Variants in ARHGAP10 observed in about 807,000 individuals in gnomAD.
ARHGAP10 encodes the protein rho GTPase-activating protein 10.
A neutral mutation model predicts 108.6 loss-of-function variants in ARHGAP10; 87 were observed. The ratio of observed to expected loss-of-function variants is 0.80; its 90% confidence interval spans 0.67 to 0.96. The LOEUF (loss-of-function observed/expected upper bound fraction) is 0.96. ARHGAP10 is among the 40% of genes least tolerant of loss of function. ARHGAP10 has a pLI of 0.00. For synonymous variants in ARHGAP10, 347 were observed against 341.1 expected, an observed-to-expected ratio of 1.02 and a Z score of -0.19; for missense variants, 939 against 954.5, an observed-to-expected ratio of 0.98 and a Z score of 0.21.
chr4:147,781,247 G>T (rs1354244083), intron 1 of ARHGAP10, among the ~76,000 whole-genome samples: 1 of 152,130 alleles, frequency 6.6e-6, no homozygotes. Context: ...AAGAGGCTGA[G>T]GCAGGAGAAT....
chr4:147,851,024 T>C (rs758692103), intron 4 of ARHGAP10, among the ~76,000 whole-genome samples: 1 of 152,092 alleles, frequency 6.6e-6, no homozygotes, highest in Admixed American at 6.5e-5. Context: ...AATGAAAATA[T>C]GGGTTTGGGC....
chr4:148,014,719 T>A (rs1184485516), intron 18 of ARHGAP10, among the ~76,000 whole-genome samples: 1 of 152,192 alleles, frequency 6.6e-6, no homozygotes, highest in Non-Finnish European at 1.5e-5. Flanking sequence ...TGATAAAGAT[T>A]GTCAATATGC....
At chr4:147,931,999 C>T (rs1296840858) in intron 13 of ARHGAP10, among the ~76,000 whole-genome samples, 1 of 151,882 alleles carries the variant, frequency 6.6e-6, no homozygotes, top group Non-Finnish European at 1.5e-5. Flanking sequence ...GAAAAGTGGG[C>T]AAAGGACATG....
intron 1 of ARHGAP10, among the ~76,000 whole-genome samples, chr4:147,737,716 A>T (rs899525012): frequency 6.6e-6 from 1 of 152,178 alleles, no homozygotes; most frequent in Non-Finnish European, 1.5e-5. Context: ...GCTGGTCTCC[A>T]GTGTGAATGT....
At chr4:147,807,839 G>T (rs1438524971) in intron 1 of ARHGAP10, among the ~76,000 whole-genome samples, 1 of 152,224 alleles carries the variant, frequency 6.6e-6, no homozygotes, top group Non-Finnish European at 1.5e-5. Context: ...CTCCTGCCTA[G>T]TGTCCTTTGA....
intron 13 of ARHGAP10, among the ~76,000 whole-genome samples, chr4:147,935,888 G>T (rs1207807848): frequency 1.3e-5 from 2 of 152,102 alleles, no homozygotes; most frequent in Admixed American, 1.3e-4. Flanking sequence ...ATTCCCCCTT[G>T]CACCTCTCAG....
chr4:148,020,077 T>C (rs893800623), intron 18 of ARHGAP10, among the ~76,000 whole-genome samples: 2 of 152,234 alleles, frequency 1.3e-5, no homozygotes, highest in Non-Finnish European at 2.9e-5. Context: ...TTCCTTTGAA[T>C]GTCATGTCAG....
At chr4:147,874,382 C>A (rs1462637074) in intron 7 of ARHGAP10, among the ~76,000 whole-genome samples, 1 of 152,174 alleles carries the variant, frequency 6.6e-6, no homozygotes, top group Non-Finnish European at 1.5e-5. Context: ...CAGATATTGG[C>A]ACACCAAGTG....
At chr4:147,937,807 C>G (rs1738014757) in intron 13 of ARHGAP10, among the ~76,000 whole-genome samples, 1 of 152,096 alleles carries the variant, frequency 6.6e-6, no homozygotes. Flanking sequence ...TGGTGAAACC[C>G]CATCTCTACT....
chr4:148,046,962 C>A lies in ARHGAP10; in HGVS notation c.1938C>A (p.Pro646=). The A allele has an allele frequency of 6.2e-7, 1 of 1,614,146 alleles. No homozygotes were observed. Among genetic ancestry groups the A allele is most frequent in the Non-Finnish European group, 8.5e-7 (1 of 1,180,014 alleles). The change falls in exon 20 of 23, where the codon CCC becomes CCA. Residue 646 remains proline (P), a synonymous_variant. Transcript: ENST00000336498. ...TGGACTCACTTTCCTCCCCGTCTCC[C>A]GTGACTACAGCTGTCCCTGGGCCTC... ...SSLDSLSSPS[P]VTTAVPGPPG...
chr4:147,943,158 T>C (rs1288970699), intron 14 of ARHGAP10, among the ~76,000 whole-genome samples: 1 of 152,218 alleles, frequency 6.6e-6, no homozygotes, highest in African/African-American at 2.4e-5. Flanking sequence ...CCTTCTTCCC[T>C]ACTTTAGTTT....
At chr4:148,021,330 A>T (rs1390916045) in intron 18 of ARHGAP10, among the ~76,000 whole-genome samples, 2 of 152,046 alleles carry the variant, frequency 1.3e-5, no homozygotes, top group East Asian at 3.9e-4. Context: ...AGTTTTCAGC[A>T]TTTGCGCTGT....
At chr4:147,960,052 G>C (rs1009780384) in intron 16 of ARHGAP10, among the ~76,000 whole-genome samples, 7 of 152,108 alleles carry the variant, frequency 4.6e-5, no homozygotes, top group Non-Finnish European at 7.4e-5. Context: ...CAGAGTCTCT[G>C]CTTTAAGTCT....
chr4:147,755,502 A>C (rs1197424275), intron 1 of ARHGAP10, among the ~76,000 whole-genome samples: 1 of 152,096 alleles, frequency 6.6e-6, no homozygotes, highest in African/African-American at 2.4e-5. Flanking sequence ...CAGCCTGGGC[A>C]ACAAGAGTGA....
intron 1 of ARHGAP10, among the ~76,000 whole-genome samples, chr4:147,761,029 T>A (rs1442288244): frequency 6.6e-6 from 1 of 151,980 alleles, no homozygotes; most frequent in South Asian, 2.1e-4. Context: ...TTTTTTTTTT[T>A]TTTTTGACAC....
intron 18 of ARHGAP10, among the ~76,000 whole-genome samples, chr4:147,996,907 A>G (rs1221452216): frequency 6.6e-6 from 1 of 152,204 alleles, no homozygotes. Context: ...GGGAGGCCTC[A>G]GGAGAAGCTA....
intron 3 of ARHGAP10, among the ~76,000 whole-genome samples, chr4:147,844,181 T>A (rs1733537731): frequency 6.6e-6 from 1 of 152,176 alleles, no homozygotes; most frequent in South Asian, 2.1e-4. Context: ...TTTTTATTTT[T>A]AAATTTATTT....
intron 14 of ARHGAP10, among the ~76,000 whole-genome samples, chr4:147,944,182 A>G (rs1219131498): frequency 6.6e-6 from 1 of 152,224 alleles, no homozygotes; most frequent in Non-Finnish European, 1.5e-5. Flanking sequence ...AGTCTTTAGA[A>G]CAGAATTATT....
In ARHGAP10 at chr4:148,072,115, C is replaced by T; in HGVS notation, c.*34C>T. 6.3e-7 allele frequency: 1 copy of T among 1,582,484 alleles called. No homozygotes were observed. The highest frequency in any genetic ancestry group is 8.6e-7 in the Non-Finnish European group (1 of 1,160,372). ...CTCAGAGCCCCTGCTGACCCTGGCA[C>T]CCAGGGACCTGCCTGGGGGCAGAGA... On this transcript the variant is annotated 3_prime_UTR_variant, in exon 23 of 23. Coordinates refer to ENST00000336498, the MANE Select transcript of ARHGAP10 (RefSeq NM_024605.4).
Sources: allele counts gnomAD v4.1 joint callset (sites outside exome capture counted in the v4.1 genomes callset), GRCh38; gene constraint gnomAD v4.1.1; transcripts MANE v1.5; gene names NCBI Gene and HGNC (gene_info 2026-07-23, HGNC 2026-07-21).